The following NTSR1 variants were observed in gnomAD, a reference collection of about 807,000 sequenced individuals.
NTSR1 encodes neurotensin receptor type 1.
Under a neutral mutation model 31.2 loss-of-function variants are expected in NTSR1, and 29 were observed. That is an observed-to-expected ratio of 0.93 (90% CI 0.69 to 1.27). The LOEUF (loss-of-function observed/expected upper bound fraction) is 1.27. Ranked by LOEUF, NTSR1 falls within the 50% of genes most tolerant of loss-of-function variation. The pLI, the probability that NTSR1 is intolerant of heterozygous loss-of-function variation, is 0.00. For missense variants in NTSR1, 697 were observed against 595.4 expected, an observed-to-expected ratio of 1.17 and a Z score of -1.78; for synonymous variants, 282 against 269.9, an observed-to-expected ratio of 1.04 and a Z score of -0.44.
chr20:62,745,084 C>T lies in NTSR1; in HGVS notation c.715-9601C>T, dbSNP rs938004052. On this transcript the variant is annotated intron_variant, in intron 1 of 3. Coordinates refer to ENST00000370501, the MANE Select transcript of NTSR1 (RefSeq NM_002531.3). The surrounding 1 kb of genome is among the most constrained non-coding windows in gnomAD (Gnocchi z 4.1). ...TCCACCCCTAAAACCTCAGACCCAGCCACTGAGGCCCATGGCCCAGAGCCC... is the reference window on the plus strand; with the variant it reads ...TCCACCCCTAAAACCTCAGACCCAGTCACTGAGGCCCATGGCCCAGAGCCC... 2.6e-5 allele frequency among the ~76,000 whole-genome samples: 4 copies of T among 152,164 alleles called. No individual in the cohort carries two copies. The highest frequency in any genetic ancestry group is 7.2e-5 in the African/African-American group (3 of 41,436).
At chr20:62,717,669 G>A (rs774742738) in intron 1 of NTSR1, among the ~76,000 whole-genome samples, 13 of 152,214 alleles carry the variant, frequency 8.5e-5, no homozygotes, top group Admixed American at 2.6e-4. Context: ...CAGCGCTTGG[G>A]AGGGCTGGGA....
At chr20:62,750,690 CAAAAAAAAAAAA>C (rs59850535) in intron 1 of NTSR1, among the ~76,000 whole-genome samples, 4,460 of 55,264 alleles carry the variant, frequency 0.081, 278 homozygotes, top group African/African-American at 0.21. Context: ...GACTCCGTCT[CAAAAAAAAAAAA>C]AAAAAAAAAA....
rs915107670 is a variant in NTSR1 at position 62,723,553 on chromosome 20, G to C, written c.714+13632G>C. Among the ~76,000 whole-genome samples the C allele has an allele frequency of 2.6e-5, 4 of 152,226 alleles. No individual in the cohort carries two copies. In the East Asian group the frequency reaches 7.7e-4, roughly 29 times the overall value. On this transcript the variant is annotated intron_variant, in intron 1 of 3. Transcript: ENST00000370501. Reference sequence around the variant, plus strand: ...CGGGGGTCACTATTTATTGCCTGGAGCTGAGGGATAAGCCATTCCATCTGG... The same window carrying C: ...CGGGGGTCACTATTTATTGCCTGGACCTGAGGGATAAGCCATTCCATCTGG...
intron 1 of NTSR1, among the ~76,000 whole-genome samples, chr20:62,727,981 G>A (rs573010224): frequency 4.6e-5 from 7 of 152,374 alleles, no homozygotes; most frequent in Non-Finnish European, 8.8e-5. Context: ...GGGACCCAGC[G>A]AGGCCTCAGG....
Position 62,711,779 on chromosome 20 carries a change from T to C in NTSR1, c.714+1858T>C, listed in dbSNP as rs533598510. Among the ~76,000 whole-genome samples, 17 of 152,252 alleles carry C rather than the reference T, an allele frequency of 1.1e-4. No homozygotes were observed. The highest frequency in any genetic ancestry group is 3.4e-3 in the Middle Eastern group (1 of 294). ...TGCCAGGTACTTGGGATTGGGCACC[T>C]GGGGGACATCACTTTGCCTCCCAAA... On this transcript the variant is annotated intron_variant, in intron 1 of 3. Coordinates refer to ENST00000370501, the MANE Select transcript of NTSR1 (RefSeq NM_002531.3). This position sits in a 1 kb window ranked among gnomAD's most constrained non-coding sequence, Gnocchi z 6.4.
intron 1 of NTSR1, among the ~76,000 whole-genome samples, chr20:62,729,916 C>G (rs2427426): frequency 0.26 from 38,809 of 152,008 alleles, 5,719 homozygotes; most frequent in Middle Eastern, 0.36. Flanking sequence ...AGCCACCATG[C>G]CTGGCCATCT....
chr20:62,750,850 GACA>G (rs891677706), intron 1 of NTSR1, among the ~76,000 whole-genome samples: 70 of 152,084 alleles, frequency 4.6e-4, no homozygotes, highest in African/African-American at 1.3e-3. Context: ...ATACATAGAT[GACA>G]ACATCACATT....
Position 62,710,109 on chromosome 20 carries a change from C to T in NTSR1, c.714+188C>T, listed in dbSNP as rs113258203. Among the ~76,000 whole-genome samples, 69 of 152,344 alleles carry T rather than the reference C, an allele frequency of 4.5e-4. 2 individuals are homozygous for T. The highest frequency in any genetic ancestry group is 1.6e-3 in the African/African-American group (66 of 41,566). On this transcript the variant is annotated intron_variant, in intron 1 of 3. Transcript: ENST00000370501. ...GCCAGGCTCAGCCCCTATCTTCTTCCCTCCTGTTGAGGGGATGGAGCCCCT... is the reference window on the plus strand; with the variant it reads ...GCCAGGCTCAGCCCCTATCTTCTTCTCTCCTGTTGAGGGGATGGAGCCCCT...
At chr20:62,713,787 A>G (rs1988662409) in intron 1 of NTSR1, among the ~76,000 whole-genome samples, 4 of 152,242 alleles carry the variant, frequency 2.6e-5, no homozygotes, top group Admixed American at 2.6e-4. Flanking sequence ...GTTCTGCAGT[A>G]GGAACTTTTT....
chr20:62,733,677 G>C lies in NTSR1; in HGVS notation c.715-21008G>C, dbSNP rs577577128. ...GAGGGAGAGAGAAAAGGAAAGAGAG[G>C]AGAGAGGGAAAGGCAGAGAGAGAAA... is the stretch of plus-strand genomic sequence containing the variant. On this transcript the variant is annotated intron_variant, in intron 1 of 3. Transcript: ENST00000370501. This position sits in a 1 kb window ranked among gnomAD's most constrained non-coding sequence, Gnocchi z 5.2. Among the ~76,000 whole-genome samples, 1 of 151,882 alleles carries C rather than the reference G, an allele frequency of 6.6e-6. No homozygotes were observed. The highest frequency in any genetic ancestry group is 1.5e-5 in the Non-Finnish European group (1 of 67,992).
Position 62,732,866 on chromosome 20 carries a change from C to G in NTSR1, c.715-21819C>G, listed in dbSNP as rs1372728899. The stretch of plus-strand genomic sequence containing the variant: ...GCACGCTGGTTCCCCATCTGACCCT[C>G]CGCTTGCTTTTCCTCGGGCTCTCCC... On this transcript the variant is annotated intron_variant, in intron 1 of 3. Coordinates refer to ENST00000370501, the MANE Select transcript of NTSR1 (RefSeq NM_002531.3). The surrounding 1 kb of genome is among the most constrained non-coding windows in gnomAD (Gnocchi z 4.0). 6.6e-6 allele frequency: 1 copy of G among 152,230 alleles called. No homozygotes were observed. Among genetic ancestry groups the G allele is most frequent in the Non-Finnish European group, 1.5e-5 (1 of 68,054 alleles). 9.4% of individuals were successfully genotyped at this position (152,230 alleles called of 1,614,324 possible).
Position 62,709,280 on chromosome 20 carries a change from G to T in NTSR1, c.73G>T (p.Gly25Ter). 1.3e-6 allele frequency: 2 copies of T among 1,579,234 alleles called. No individual in the cohort carries two copies. Among genetic ancestry groups the T allele is most frequent in the Non-Finnish European group, 1.7e-6 (2 of 1,167,676 alleles). ...CGACCCCTTCCAGCGGGCGCAGGCC[G>T]GACTGGAGGAGGCGCTGCTGGCCCC... Reference protein sequence around the residue: ...AADPFQRAQAGLEEALLAPGF... With the variant: ...AADPFQRAQA The change falls in exon 1 of 4, where the codon GGA becomes TGA. Residue 25 changes from glycine (G) to a stop codon, truncating the protein, a stop_gained. Transcript: ENST00000370501. LOFTEE classifies it high-confidence loss of function.
intron 1 of NTSR1, among the ~76,000 whole-genome samples, chr20:62,717,935 G>C (rs767411811): frequency 2.6e-5 from 4 of 152,110 alleles, no homozygotes; most frequent in Admixed American, 6.5e-5. Context: ...AACCACACGG[G>C]GGGAGCGTGG....
Position 62,756,141 on chromosome 20 carries a change from C to T in NTSR1, c.916+1255C>T, listed in dbSNP as rs555804430. On this transcript the variant is annotated intron_variant, in intron 2 of 3. Coordinates refer to ENST00000370501, the MANE Select transcript of NTSR1 (RefSeq NM_002531.3). ...AGGGGCTCCACCAAGGACACAAACA[C>T]AGGCACCAGGCACCTTCAGCCAGTG... Among the ~76,000 whole-genome samples the T allele has an allele frequency of 2.0e-5, 3 of 152,082 alleles. No individual in the cohort carries two copies. The South Asian group carries it at 6.3e-4, about 32-fold the overall frequency.
chr20:62,746,145 G>A (rs1310976780), intron 1 of NTSR1, among the ~76,000 whole-genome samples: 7 of 152,112 alleles, frequency 4.6e-5, no homozygotes, highest in African/African-American at 7.2e-5. Context: ...GCCGCCCGGC[G>A]GGTCACCACC....
At chr20:62,713,277 G>A (rs143859803) in intron 1 of NTSR1, among the ~76,000 whole-genome samples, 6 of 152,212 alleles carry the variant, frequency 3.9e-5, no homozygotes, top group East Asian at 1.9e-4. Context: ...AGTGCTCTTC[G>A]CTGGGTTAGA....
In NTSR1 at chr20:62,709,360, C is replaced by T. The variant is rs770033105; in HGVS notation, c.153C>T (p.Ser51=). 3.1e-6 allele frequency: 5 copies of T among 1,609,714 alleles called. No homozygotes were observed. The highest frequency in any genetic ancestry group is 3.4e-6 in the Non-Finnish European group (4 of 1,178,294). Residue 51 remains serine (S), a synonymous_variant, in exon 1 of 4, where the codon AGC becomes AGT. Coordinates refer to ENST00000370501, the MANE Select transcript of NTSR1 (RefSeq NM_002531.3). ...NASERVLAAP[S]SELDVNTDIY... ...CGGAGCGCGTCCTGGCGGCACCCAGCAGCGAGCTGGACGTGAACACCGACA... is the reference window on the plus strand; with the variant it reads ...CGGAGCGCGTCCTGGCGGCACCCAGTAGCGAGCTGGACGTGAACACCGACA...
Position 62,714,338 on chromosome 20 carries a change from A to G in NTSR1, c.714+4417A>G, listed in dbSNP as rs1988673612. Among the ~76,000 whole-genome samples the G allele has an allele frequency of 6.6e-6, 1 of 152,166 alleles. No homozygotes were observed. The highest frequency in any genetic ancestry group is 1.5e-5 in the Non-Finnish European group (1 of 68,034). On this transcript the variant is annotated intron_variant, in intron 1 of 3. Transcript: ENST00000370501. This position sits in a 1 kb window ranked among gnomAD's most constrained non-coding sequence, Gnocchi z 4.1. ...ACCCTTTAGAGGAAAGGAATGGAGTATTTTTCCTGCCTTTTCTATTCAAAC... is the reference window on the plus strand; with the variant it reads ...ACCCTTTAGAGGAAAGGAATGGAGTGTTTTTCCTGCCTTTTCTATTCAAAC...
In NTSR1 at chr20:62,714,831, A is replaced by G. The variant is rs1481285577; in HGVS notation, c.714+4910A>G. 6.6e-6 allele frequency among the ~76,000 whole-genome samples: 1 copy of G among 152,212 alleles called. No homozygotes were observed. The highest frequency in any genetic ancestry group is 1.9e-4 in the East Asian group (1 of 5,202). On this transcript the variant is annotated intron_variant, in intron 1 of 3. Transcript: ENST00000370501. The surrounding 1 kb of genome is among the most constrained non-coding windows in gnomAD (Gnocchi z 4.1). ...ACCTGTCGCAGAAAGCCGGCACCAA[A>G]GCTGATCATTCTTCCTGCCAAGAAA...
Sources: gnomAD v4.1 joint callset for allele counts (sites outside exome capture counted in the v4.1 genomes callset) on GRCh38, gnomAD v4.1.1 for gene constraint, Gnocchi (gnomAD v3.1) non-coding constraint, MANE v1.5 for transcripts, NCBI Gene and HGNC (gene_info 2026-07-23, HGNC 2026-07-21) for gene names.